Variants in SLC4A10 observed in about 807,000 individuals in gnomAD.
The protein encoded by SLC4A10 is solute carrier family 4 member 10.
SLC4A10 carries 42 observed loss-of-function variants against 137.7 expected under a neutral mutation model. The observed-to-expected ratio is 0.30, with a 90% confidence interval of 0.24 to 0.39. SLC4A10 has a LOEUF of 0.39. Ranked by LOEUF, SLC4A10 falls within the 10% of genes least tolerant of loss-of-function variation. SLC4A10 has a pLI of 1.00. For missense variants in SLC4A10, 925 were observed against 1,355.0 expected (o/e 0.68, Z 4.98); for synonymous variants, 474 against 464.1 (o/e 1.02, Z -0.27).
At chr2:161,724,272 A>G (rs1373343708) in intron 1 of SLC4A10, among the ~76,000 whole-genome samples, 4 of 152,166 alleles carry the variant, frequency 2.6e-5, no homozygotes, top group East Asian at 1.9e-4. Flanking sequence ...GGGTTTGCCT[A>G]CTTAAACTCA....
At chr2:161,799,876 G>A (rs908034109) in intron 2 of SLC4A10, among the ~76,000 whole-genome samples, 4 of 151,772 alleles carry the variant, frequency 2.6e-5, no homozygotes, top group Admixed American at 2.0e-4. Context: ...TATGAATCTG[G>A]GAATTTATAT....
Position 161,900,968 on chromosome 2 carries a change from C to T in SLC4A10, c.1399C>T (p.Pro467Ser). 1 of 1,569,312 alleles carries T rather than the reference C, an allele frequency of 6.4e-7. No individual in the cohort carries two copies. The highest frequency in any genetic ancestry group is 8.6e-7 in the Non-Finnish European group (1 of 1,156,468). Reference sequence around the variant, plus strand: ...AACAGCAGCTCATGGGGAAGCAGAGCCCCACGGAGGACATAGTGGACCTGA... The same window carrying T: ...AACAGCAGCTCATGGGGAAGCAGAGTCCCACGGAGGACATAGTGGACCTGA... Reference protein sequence around the residue: ...NGTAAHGEAEPHGGHSGPELQ... With the variant: ...NGTAAHGEAESHGGHSGPELQ... Residue 467 changes from proline (P) to serine (S), a missense_variant, in exon 12 of 27, where the codon CCC becomes TCC. By Grantham distance (74) the Pro-to-Ser change is moderately conservative. Coordinates refer to ENST00000446997, the MANE Select transcript of SLC4A10 (RefSeq NM_001178015.2).
intron 5 of SLC4A10, among the ~76,000 whole-genome samples, chr2:161,860,482 T>C (rs538236150): frequency 2.6e-5 from 4 of 152,322 alleles, no homozygotes; most frequent in Admixed American, 6.5e-5. Flanking sequence ...TAATATCATA[T>C]TGATATTCTA....
intron 15 of SLC4A10, among the ~76,000 whole-genome samples, chr2:161,928,813 C>G (rs10930036): frequency 6.6e-6 from 1 of 151,766 alleles, no homozygotes; most frequent in Non-Finnish European, 1.5e-5. Flanking sequence ...ATATGCCATG[C>G]GTATAGCAAC....
chr2:161,767,297 G>A (rs773609552), intron 1 of SLC4A10, among the ~76,000 whole-genome samples: 2 of 136,082 alleles, frequency 1.5e-5, no homozygotes, highest in Admixed American at 7.6e-5. Context: ...AACTTTATTC[G>A]GTATAAAACA....
At chr2:161,780,217 G>C (rs2052848924) in intron 2 of SLC4A10, among the ~76,000 whole-genome samples, 1 of 152,010 alleles carries the variant, frequency 6.6e-6, no homozygotes, top group Non-Finnish European at 1.5e-5. Context: ...ATTATGTAAA[G>C]ACTCTATAGC....
chr2:161,756,281 A>T (rs1346268780), intron 1 of SLC4A10, among the ~76,000 whole-genome samples: 1 of 152,194 alleles, frequency 6.6e-6, no homozygotes, highest in Admixed American at 6.5e-5. Context: ...GTGAGAAATT[A>T]CATACAAATC....
At chr2:161,687,894 G>A (rs545614877) in intron 1 of SLC4A10, among the ~76,000 whole-genome samples, 146 of 152,308 alleles carry the variant, frequency 9.6e-4, no homozygotes, top group Non-Finnish European at 1.8e-3. Flanking sequence ...CCCCAGCCAT[G>A]TGGAACTGTG....
chr2:161,646,236 A>G (rs1471288150), intron 1 of SLC4A10, among the ~76,000 whole-genome samples: 1 of 152,052 alleles, frequency 6.6e-6, no homozygotes, highest in African/African-American at 2.4e-5. Flanking sequence ...AAAGCAAAGT[A>G]GTTTTTATGA....
intron 1 of SLC4A10, among the ~76,000 whole-genome samples, chr2:161,719,383 T>C (rs2045347766): frequency 6.6e-6 from 1 of 152,228 alleles, no homozygotes; most frequent in African/African-American, 2.4e-5. Flanking sequence ...TGTGTCTTTA[T>C]AGCAGCATGA....
At chr2:161,915,025 C>T (rs755194821) in intron 15 of SLC4A10, among the ~76,000 whole-genome samples, 1 of 151,946 alleles carries the variant, frequency 6.6e-6, no homozygotes, top group Non-Finnish European at 1.5e-5. Context: ...TCTTTTTTAC[C>T]AATCAAATGT....
intron 3 of SLC4A10, among the ~76,000 whole-genome samples, chr2:161,817,887 G>A (rs566846069): frequency 1.3e-5 from 2 of 151,756 alleles, no homozygotes; most frequent in African/African-American, 2.4e-5. Flanking sequence ...CTGTAGCCTT[G>A]TAGTATAGTT....
intron 1 of SLC4A10, among the ~76,000 whole-genome samples, chr2:161,729,667 T>A (rs2046628662): frequency 6.6e-6 from 1 of 152,188 alleles, no homozygotes; most frequent in Admixed American, 6.5e-5. Flanking sequence ...AGAATAGTAT[T>A]GTATCTGAAA....
At chr2:161,935,965 T>C (rs964210329) in intron 15 of SLC4A10, among the ~76,000 whole-genome samples, 4 of 152,138 alleles carry the variant, frequency 2.6e-5, no homozygotes, top group Non-Finnish European at 2.9e-5. Flanking sequence ...ATTCCTTCTA[T>C]GTTTAATTTC....
At position 161,983,173 on chromosome 2, in the gene SLC4A10, C is replaced by T. The variant is rs769888249; in HGVS notation, c.*27-6C>T. On this transcript the variant is annotated splice_polypyrimidine_tract_variant and splice_region_variant and intron_variant, in intron 26 of 26. Transcript: ENST00000446997. ...TAATAAATGTGTCCTTTTTTTCCTT[C>T]TGTAGCATTGAAAGCCGAAAAGAGA... 18 of 1,535,234 alleles carry T rather than the reference C, an allele frequency of 1.2e-5. No individual in the cohort carries two copies. The highest frequency in any genetic ancestry group is 1.6e-5 in the Non-Finnish European group (18 of 1,146,632).
chr2:161,951,302 TAAC>T (rs1231312911), intron 19 of SLC4A10, among the ~76,000 whole-genome samples: 1 of 152,184 alleles, frequency 6.6e-6, no homozygotes, highest in East Asian at 1.9e-4. Context: ...TGTCTGCCTG[TAAC>T]AACAAAATCC....
At chr2:161,944,490 C>A (rs1693350229) in intron 16 of SLC4A10, among the ~76,000 whole-genome samples, 1 of 151,784 alleles carries the variant, frequency 6.6e-6, no homozygotes, top group African/African-American at 2.4e-5. Context: ...GCACAGTTAT[C>A]AGGCTAGCTG....
chr2:161,764,608 G>A (rs1205733002), intron 1 of SLC4A10, among the ~76,000 whole-genome samples: 4 of 152,074 alleles, frequency 2.6e-5, no homozygotes, highest in Admixed American at 2.6e-4. Context: ...CAGACCATGG[G>A]CAAGAGTTAC....
intron 26 of SLC4A10, 141 bp from the exon 27 acceptor site, chr2:161,983,038 T>C (rs1192530939): frequency 3.8e-5 from 25 of 651,936 alleles, no homozygotes; most frequent in Non-Finnish European, 6.2e-5. Context: ...GCTGTCTATC[T>C]GTGCTTCGCA....
Sources: allele counts gnomAD v4.1 joint callset (sites outside exome capture counted in the v4.1 genomes callset), GRCh38; gene constraint gnomAD v4.1.1; transcripts MANE v1.5; gene names NCBI Gene and HGNC (gene_info 2026-07-23, HGNC 2026-07-21).